The following CTNNA3 variants were observed in gnomAD, a reference collection of about 807,000 sequenced individuals.
CTNNA3 encodes catenin alpha 3.
Under a neutral mutation model 95.7 loss-of-function variants are expected in CTNNA3, and 76 were observed. The observed-to-expected ratio is 0.79, with a 90% CI of 0.66 to 0.96. The LOEUF (loss-of-function observed/expected upper bound fraction) is 0.96. CTNNA3 is among the 40% of genes least tolerant of loss of function. The probability of loss-of-function intolerance (pLI) is 0.00; values close to 1 mark genes in which losing one functional copy is unlikely to be tolerated. For synonymous variants in CTNNA3, 431 were observed against 374.4 expected (o/e 1.15, Z -1.74); for missense variants, 1,191 against 1,089.8 (o/e 1.09, Z -1.31).
intron 5 of CTNNA3, among the ~76,000 whole-genome samples, chr10:67,329,683 A>G (rs1054324517): frequency 5.3e-5 from 8 of 152,194 alleles, no homozygotes; most frequent in African/African-American, 1.7e-4. Context: ...ATCAACAAAT[A>G]TTTACGGAGG....
At chr10:66,802,847 A>T (rs1841483134) in intron 7 of CTNNA3, among the ~76,000 whole-genome samples, 1 of 151,956 alleles carries the variant, frequency 6.6e-6, no homozygotes, top group Non-Finnish European at 1.5e-5. Context: ...GGAGGAATTT[A>T]AAATCTTTTT....
At chr10:67,512,446 T>C (rs935315598) in intron 5 of CTNNA3, among the ~76,000 whole-genome samples, 3 of 152,218 alleles carry the variant, frequency 2.0e-5, no homozygotes, top group South Asian at 4.1e-4. Context: ...CTCATGTTCA[T>C]TGCAGCATCA....
At chr10:67,353,557 AATC>A (rs1260052834) in intron 5 of CTNNA3, among the ~76,000 whole-genome samples, 2 of 152,008 alleles carry the variant, frequency 1.3e-5, no homozygotes, top group African/African-American at 4.8e-5. Flanking sequence ...TTGACAAGCA[AATC>A]ATCATTTTCA....
At chr10:66,431,170 G>C (rs1235124883) in intron 11 of CTNNA3, among the ~76,000 whole-genome samples, 1 of 152,148 alleles carries the variant, frequency 6.6e-6, no homozygotes, top group Non-Finnish European at 1.5e-5. Flanking sequence ...GGCCATCAGA[G>C]AAATGCAAAT....
At chr10:66,532,745 G>A (rs1477981072) in intron 10 of CTNNA3, among the ~76,000 whole-genome samples, 1 of 152,140 alleles carries the variant, frequency 6.6e-6, no homozygotes, top group Non-Finnish European at 1.5e-5. Flanking sequence ...ACACGTATAT[G>A]AAATCTATGT....
intron 5 of CTNNA3, among the ~76,000 whole-genome samples, chr10:67,476,352 G>A (rs924541647): frequency 1.3e-5 from 2 of 151,734 alleles, no homozygotes; most frequent in African/African-American, 4.8e-5. Context: ...CCAGCCATCA[G>A]GGGGCACTCT....
intron 5 of CTNNA3, among the ~76,000 whole-genome samples, chr10:67,350,238 A>G (rs1446584760): frequency 6.6e-6 from 1 of 152,060 alleles, no homozygotes; most frequent in African/African-American, 2.4e-5. Context: ...GCCCTTAACT[A>G]CTAGACCATA....
intron 9 of CTNNA3, among the ~76,000 whole-genome samples, chr10:66,688,756 G>A (rs1847396943): frequency 6.6e-6 from 1 of 151,942 alleles, no homozygotes; most frequent in South Asian, 2.1e-4. Flanking sequence ...TGGATCACGA[G>A]GTCAGGAGAT....
chr10:67,065,932 G>C (rs1856043958), intron 7 of CTNNA3, among the ~76,000 whole-genome samples: 1 of 99,082 alleles, frequency 1.0e-5, no homozygotes, highest in Non-Finnish European at 2.1e-5. Context: ...CAATCAGGCT[G>C]CCATTCAAAA....
chr10:67,705,784 T>TA (rs199581354), intron 1 of CTNNA3, among the ~76,000 whole-genome samples: 10,761 of 136,392 alleles, frequency 0.079, 762 homozygotes, highest in East Asian at 0.45. Context: ...ATAATAATAA[T>TA]AAAAAAAAAA....
chr10:66,884,845 C>T (rs1844984648), intron 7 of CTNNA3, among the ~76,000 whole-genome samples: 1 of 152,050 alleles, frequency 6.6e-6, no homozygotes, highest in African/African-American at 2.4e-5. Flanking sequence ...ATCCTGAACA[C>T]CCAGGGGATA....
intron 5 of CTNNA3, among the ~76,000 whole-genome samples, chr10:67,406,526 A>T (rs543968289): frequency 6.6e-6 from 1 of 152,320 alleles, no homozygotes; most frequent in African/African-American, 2.4e-5. Flanking sequence ...GGAAACCAAG[A>T]GTGAACAAAT....
At chr10:66,350,810 T>TC (rs2092561351) in intron 12 of CTNNA3, among the ~76,000 whole-genome samples, 1 of 151,878 alleles carries the variant, frequency 6.6e-6, no homozygotes, top group Non-Finnish European at 1.5e-5. Flanking sequence ...TATTTACACA[T>TC]CCCCTCTTGA....
chr10:67,221,583 T>C (rs1864659926), intron 5 of CTNNA3, among the ~76,000 whole-genome samples: 1 of 152,190 alleles, frequency 6.6e-6, no homozygotes, highest in African/African-American at 2.4e-5. Flanking sequence ...TTTTTCTTTT[T>C]TCTTTTTTTA....
At chr10:66,381,870 G>C (rs1306172458) in intron 11 of CTNNA3, among the ~76,000 whole-genome samples, 4 of 152,118 alleles carry the variant, frequency 2.6e-5, no homozygotes, top group Admixed American at 2.6e-4. Flanking sequence ...AGAAGTATAG[G>C]TTGGACCTTA....
intron 5 of CTNNA3, among the ~76,000 whole-genome samples, chr10:67,486,021 A>G (rs1848434738): frequency 6.6e-6 from 1 of 152,246 alleles, no homozygotes; most frequent in African/African-American, 2.4e-5. Flanking sequence ...TAAAGCTGCT[A>G]AAAAGCAACC....
At chr10:67,137,048 C>A (rs1436773742) in intron 7 of CTNNA3, among the ~76,000 whole-genome samples, 1 of 152,084 alleles carries the variant, frequency 6.6e-6, no homozygotes, top group Non-Finnish European at 1.5e-5. Flanking sequence ...CTCTGGGTAG[C>A]TGTGGCTGAA....
chr10:67,431,567 T>C (rs1229203006), intron 5 of CTNNA3, among the ~76,000 whole-genome samples: 4 of 151,922 alleles, frequency 2.6e-5, no homozygotes, highest in Non-Finnish European at 5.9e-5. Context: ...ACTATGTAGA[T>C]ACGGGTACAA....
At chr10:66,852,418 A>G (rs1311224780) in intron 7 of CTNNA3, among the ~76,000 whole-genome samples, 3 of 152,174 alleles carry the variant, frequency 2.0e-5, no homozygotes. Flanking sequence ...AAAGAAAGCA[A>G]TATATACTTG....
Sources: gnomAD v4.1 joint callset for allele counts (sites outside exome capture counted in the v4.1 genomes callset) on GRCh38, gnomAD v4.1.1 for gene constraint, MANE v1.5 for transcripts, NCBI Gene and HGNC (gene_info 2026-07-23, HGNC 2026-07-21) for gene names.